ATXN8OS: variants seen among roughly 807,000 people sequenced by gnomAD.
ATXN8OS encodes the protein ATXN8 opposite strand (non-protein coding).
chr13:70,118,573 G>A (rs1888314511), intron 2 of ATXN8OS, among the ~76,000 whole-genome samples: 1 of 151,828 alleles, frequency 6.6e-6, no homozygotes, highest in Non-Finnish European at 1.5e-5. Context: ...TAGAGAGGAA[G>A]AGAGAGAGAG....
chr13:70,152,891 A>G (rs1888888527), intron 4 of ATXN8OS, among the ~76,000 whole-genome samples: 1 of 152,138 alleles, frequency 6.6e-6, no homozygotes, highest in East Asian at 1.9e-4. Context: ...TAGATTACTA[A>G]GCACATGCAA....
At chr13:70,136,898 G>A (rs1342585286) in intron 3 of ATXN8OS, among the ~76,000 whole-genome samples, 2 of 152,158 alleles carry the variant, frequency 1.3e-5, no homozygotes, top group Non-Finnish European at 2.9e-5. Context: ...ACTAGATTTT[G>A]TTCAGTTTAA....
chr13:70,157,674 C>T (rs1873375396), intron 4 of ATXN8OS, among the ~76,000 whole-genome samples: 3 of 152,064 alleles, frequency 2.0e-5, no homozygotes, highest in African/African-American at 7.2e-5. Context: ...TTGGGGAATA[C>T]TGGTACACGG....
At chr13:70,115,290 C>T (rs776773806) in exon 2 of ATXN8OS, 6 of 398,098 alleles carry the variant, frequency 1.5e-5, no homozygotes, top group African/African-American at 2.1e-5. Flanking sequence ...GGAGACAGAA[C>T]CTACTCCTGT....
intron 4 of ATXN8OS, among the ~76,000 whole-genome samples, chr13:70,168,265 C>T (rs1234709608): frequency 6.6e-6 from 1 of 151,930 alleles, no homozygotes; most frequent in Non-Finnish European, 1.5e-5. Flanking sequence ...TTATGGGGTA[C>T]ATGTCTAATT....
At chr13:70,161,236 T>C (rs1168551648) in intron 4 of ATXN8OS, among the ~76,000 whole-genome samples, 1 of 152,082 alleles carries the variant, frequency 6.6e-6, no homozygotes, top group East Asian at 1.9e-4. Context: ...TAAAGTAGTA[T>C]AGTTAGAAAA....
intron 2 of ATXN8OS, among the ~76,000 whole-genome samples, chr13:70,119,471 C>T (rs756677956): frequency 4.6e-5 from 7 of 152,082 alleles, no homozygotes; most frequent in Non-Finnish European, 1.0e-4. Flanking sequence ...GTTGTGATCT[C>T]TAATAAATCT....
In ATXN8OS at chr13:70,120,577, A is replaced by C. The variant is rs1888345504; in HGVS notation, n.398+5279A>C. Among the ~76,000 whole-genome samples the C allele has an allele frequency of 2.0e-5, 3 of 152,286 alleles. No homozygotes were observed. In the South Asian group the frequency reaches 6.2e-4, roughly 32 times the overall value. ...AAGCAAGCTTCCACTATCCATACAG[A>C]GCTTGCACTTTATTTAGTGAGAAAA... On this transcript the variant is annotated intron_variant and non_coding_transcript_variant, in intron 2 of 4. Transcript: ENST00000678624.
intron 2 of ATXN8OS, among the ~76,000 whole-genome samples, chr13:70,122,780 C>T (rs1040773528): frequency 6.6e-6 from 1 of 151,770 alleles, no homozygotes; most frequent in African/African-American, 2.4e-5. Context: ...GGGAGAGATA[C>T]AAAGATAGGC....
At chr13:70,112,180 T>C (rs1888205978) in intron 1 of ATXN8OS, among the ~76,000 whole-genome samples, 1 of 152,114 alleles carries the variant, frequency 6.6e-6, no homozygotes, top group Non-Finnish European at 1.5e-5. Flanking sequence ...ATGAGAGTTC[T>C]ATCATGAGAA....
intron 4 of ATXN8OS, among the ~76,000 whole-genome samples, chr13:70,154,710 GA>G (rs1436244789): frequency 6.6e-6 from 1 of 152,148 alleles, no homozygotes; most frequent in African/African-American, 2.4e-5. Context: ...AAAGAGAGAA[GA>G]AAAACAAATT....
At chr13:70,171,265 A>G (rs1362608065) in exon 5 of ATXN8OS, among the ~76,000 whole-genome samples, 1 of 152,162 alleles carries the variant, frequency 6.6e-6, no homozygotes, top group Non-Finnish European at 1.5e-5. Context: ...ACAAGAGTAG[A>G]TTACAGTCTA....
At chr13:70,167,722 TC>T (rs1341817119) in intron 4 of ATXN8OS, among the ~76,000 whole-genome samples, 1 of 104,084 alleles carries the variant, frequency 9.6e-6, no homozygotes, top group African/African-American at 3.3e-5. Flanking sequence ...ATATGTAACT[TC>T]TTTTTTTTTT....
At chr13:70,156,593 C>G (rs1028134324) in intron 4 of ATXN8OS, among the ~76,000 whole-genome samples, 2 of 151,976 alleles carry the variant, frequency 1.3e-5, no homozygotes, top group Admixed American at 1.3e-4. Flanking sequence ...ATTAATCATT[C>G]ACAACACGTT....
chr13:70,136,598 C>T (rs1001456129), intron 3 of ATXN8OS, among the ~76,000 whole-genome samples: 1 of 152,048 alleles, frequency 6.6e-6, no homozygotes, highest in African/African-American at 2.4e-5. Context: ...TTCAGGAAAT[C>T]ATCAAGACCG....
chr13:70,131,739 C>T (rs1172124493), intron 3 of ATXN8OS, among the ~76,000 whole-genome samples: 1 of 152,136 alleles, frequency 6.6e-6, no homozygotes, highest in Non-Finnish European at 1.5e-5. Context: ...CTTCATAACA[C>T]TTTGGTAAGT....
At chr13:70,123,165 T>C (rs9317881) in intron 2 of ATXN8OS, among the ~76,000 whole-genome samples, 24,258 of 152,014 alleles carry the variant, frequency 0.16, 2,497 homozygotes, top group African/African-American at 0.29. Context: ...TCTTAGATTT[T>C]GCCAGATACT....
chr13:70,144,309 C>T (rs1050747411), intron 3 of ATXN8OS, among the ~76,000 whole-genome samples: 15 of 152,158 alleles, frequency 9.9e-5, no homozygotes, highest in African/African-American at 2.6e-4. Context: ...TCCCTCTTTG[C>T]GTGACCTGTA....
At chr13:70,139,463 T>C in intron 3 of ATXN8OS, 1 of 681,066 alleles carries the variant, frequency 1.5e-6, no homozygotes, top group South Asian at 1.9e-5. Flanking sequence ...ATTTTACTAT[T>C]TGATGTTATA....
Sources: allele counts gnomAD v4.1 joint callset (sites outside exome capture counted in the v4.1 genomes callset), GRCh38; gene constraint gnomAD v4.1.1; transcripts MANE v1.5; gene names NCBI Gene and HGNC (gene_info 2026-07-23, HGNC 2026-07-21).